EFCAB12: variants seen among roughly 807,000 people sequenced by gnomAD.
EFCAB12 encodes EF-hand calcium-binding domain-containing protein 12.
Under a neutral mutation model 53.6 loss-of-function variants are expected in EFCAB12, and 43 were observed. That is an observed-to-expected ratio of 0.80 (90% CI 0.63 to 1.03). The LOEUF (loss-of-function observed/expected upper bound fraction) is 1.03. Ranked by LOEUF, EFCAB12 falls within the 50% of genes least tolerant of loss-of-function variation. The pLI is 0.00. For synonymous variants in EFCAB12, 269 were observed against 289.2 expected (o/e 0.93, Z 0.71); for missense variants, 646 against 730.6 (o/e 0.88, Z 1.34).
chr3:129,407,719 G>A lies in EFCAB12; in HGVS notation c.1249+926C>T, dbSNP rs185677364. Among the ~76,000 whole-genome samples the A allele has an allele frequency of 3.3e-4, 51 of 152,306 alleles. No individual in the cohort carries two copies. The East Asian group carries it at 9.1e-3, about 27-fold the overall frequency. ...ACCTGAGGTCAGGAGTTCAAGACCG[G>A]CCTGGCCAACATGGTGAAACCCCAT... On this transcript the variant is annotated intron_variant, in intron 6 of 8. Coordinates refer to ENST00000505956, the MANE Select transcript of EFCAB12 (RefSeq NM_207307.3).
At chr3:129,418,564 A>G in intron 2 of EFCAB12, 116 bp from the exon 3 acceptor site, 1 of 945,498 alleles carries the variant, frequency 1.1e-6, no homozygotes, top group Non-Finnish European at 1.5e-6. Context: ...ATAGCAGGAT[A>G]GAGTACAAAG....
At chr3:129,422,629 A>G (rs974444400) in intron 1 of EFCAB12, among the ~76,000 whole-genome samples, 3 of 152,072 alleles carry the variant, frequency 2.0e-5, no homozygotes, top group African/African-American at 7.2e-5. Flanking sequence ...TTTGCATCAC[A>G]ACCTGCACTT....
At chr3:129,415,425 A>G in intron 3 of EFCAB12, 24 bp from the exon 4 acceptor site, 1 of 1,612,660 alleles carries the variant, frequency 6.2e-7, no homozygotes, top group Non-Finnish European at 8.5e-7. Flanking sequence ...AGACCTTCAG[A>G]CTAGCAGGCT....
In EFCAB12 at chr3:129,421,747, G is replaced by A. The variant is rs573087364; in HGVS notation, c.106C>T (p.Pro36Ser). ...TGCTTGAAGCAGTGGGCAATGACCG[G>A]TTCAGGATCAAAGACGGGAGCATTT... Reference protein sequence around the residue: ...NENAPVFDPEPVIAHCFKQFQ... With the variant: ...NENAPVFDPESVIAHCFKQFQ... Residue 36 changes from proline to serine, a missense_variant, in exon 2 of 9, where the codon CCG becomes TCG. By Grantham distance (74) the Pro-to-Ser change is moderately conservative (BLOSUM62 -1). Coordinates refer to ENST00000505956, the MANE Select transcript of EFCAB12 (RefSeq NM_207307.3). The A allele has an allele frequency of 1.2e-6, 2 of 1,613,818 alleles. No individual in the cohort carries two copies. Among genetic ancestry groups the A allele is most frequent in the Admixed American group, 1.7e-5 (1 of 60,002 alleles).
At chr3:129,425,591 C>T (rs952847978) in intron 1 of EFCAB12, among the ~76,000 whole-genome samples, 1 of 152,182 alleles carries the variant, frequency 6.6e-6, no homozygotes, top group Non-Finnish European at 1.5e-5. Context: ...AGCCCCTGAC[C>T]CCACTTTCCA....
Position 129,404,344 on chromosome 3 carries a change from G to A in EFCAB12, c.1309C>T (p.Gln437Ter), listed in dbSNP as rs747305628. 6 of 1,613,792 alleles carry A rather than the reference G, an allele frequency of 3.7e-6. No individual in the cohort carries two copies. The highest frequency in any genetic ancestry group is 5.1e-6 in the Non-Finnish European group (6 of 1,179,880). ...CAGTCAGAGTAGTAGCCTCCCGGCT[G>A]CCGGATGGGGCACACTTTGTCCATC... is the stretch of plus-strand genomic sequence containing the variant. ...FQMDKVCPIR[Q>*]PGGYYSDWKV... The change falls in exon 7 of 9, where the codon CAG (glutamine) becomes TAG (stop). Residue 437 changes from glutamine to a stop codon, truncating the protein, a stop_gained. Coordinates refer to ENST00000505956, the MANE Select transcript of EFCAB12 (RefSeq NM_207307.3). LOFTEE classifies it high-confidence loss of function.
chr3:129,421,880 G>A, intron 1 of EFCAB12, 77 bp from the exon 2 acceptor site: 1 of 1,426,636 alleles, frequency 7.0e-7, no homozygotes, highest in South Asian at 1.4e-5. Context: ...AAACACTTTT[G>A]CTCCAGGCTG....
At chr3:129,412,046 A>C (rs2107738162) in intron 4 of EFCAB12, 1 of 152,382 alleles carries the variant, frequency 6.6e-6, no homozygotes, top group Admixed American at 6.5e-5. Flanking sequence ...CCCCATCTCT[A>C]CTAAAAATAC....
intron 7 of EFCAB12, chr3:129,402,992 C>A (rs753586521): frequency 1.5e-4 from 26 of 172,972 alleles, no homozygotes; most frequent in Non-Finnish European, 2.3e-4. Context: ...AAATCTAACC[C>A]CCTTCCCCTC....
Position 129,411,334 on chromosome 3 carries a change from T to C in EFCAB12, c.859A>G (p.Arg287Gly), listed in dbSNP as rs752255938. ...TTGAGCGGACCCTTCAGGGAATCTC[T>C]GTGCTTGGCCAAGATATAATCTGGA... is the stretch of plus-strand genomic sequence containing the variant. ...AREHYILAKH[R>G]DSLKGPLKKQ... Residue 287 changes from arginine to glycine, a missense_variant, in exon 5 of 9, where the codon AGA becomes GGA. Coordinates refer to ENST00000505956, the MANE Select transcript of EFCAB12 (RefSeq NM_207307.3). 1.9e-6 allele frequency: 3 copies of C among 1,589,160 alleles called. No individual in the cohort carries two copies. The East Asian group carries it at 6.8e-5, about 36-fold the overall frequency.
chr3:129,405,417 A>G (rs996782744), intron 6 of EFCAB12, among the ~76,000 whole-genome samples: 3 of 152,230 alleles, frequency 2.0e-5, no homozygotes, highest in Non-Finnish European at 4.4e-5. Flanking sequence ...TATTTTCAAA[A>G]GGTACACATG....
rs762601435 is a variant in EFCAB12, at chr3:129,415,436, C to T, written c.682-35G>A. ...GAGAAGACCTTCAGACTAGCAGGCT[C>T]CCATCCAAACATCCTGCTCTGATGG... On this transcript the variant is annotated intron_variant, in intron 3 of 8. Transcript: ENST00000505956. 3.1e-6 allele frequency: 5 copies of T among 1,610,838 alleles called. No homozygotes were observed. The African/African-American group carries it at 6.7e-5, about 22-fold the overall frequency.
chr3:129,421,329 A>G, intron 2 of EFCAB12, 38 bp downstream of exon 2: 1 of 1,557,778 alleles, frequency 6.4e-7, no homozygotes, highest in Non-Finnish European at 8.7e-7. Flanking sequence ...GCATCCCTAA[A>G]CCCTTGGTGT....
At chr3:129,412,506 C>T (rs762169432) in intron 4 of EFCAB12, 1 of 152,344 alleles carries the variant, frequency 6.6e-6, no homozygotes, top group Non-Finnish European at 1.5e-5. Context: ...CAGATCGCCT[C>T]ATTCCCTTGG....
chr3:129,408,407 A>C (rs751115441), intron 6 of EFCAB12, among the ~76,000 whole-genome samples: 20 of 152,058 alleles, frequency 1.3e-4, no homozygotes, highest in Admixed American at 1.3e-3. Flanking sequence ...CAGACCCCCA[A>C]ATCTCAGTTG....
At chr3:129,418,505 G>C in intron 2 of EFCAB12, 57 bp from the exon 3 acceptor site, 1 of 1,475,522 alleles carries the variant, frequency 6.8e-7, no homozygotes, top group South Asian at 1.3e-5. Context: ...CAGGCCAGGC[G>C]GATGCAGTCC....
chr3:129,421,347 T>G lies in EFCAB12; in HGVS notation c.486+20A>C. The stretch of plus-strand genomic sequence containing the variant: ...TCCCTAAACCCTTGGTGTCTTCATC[T>G]GGCAAATGGGGCTGCTCACCCTGGT... On this transcript the variant is annotated intron_variant, in intron 2 of 8. Coordinates refer to ENST00000505956, the MANE Select transcript of EFCAB12 (RefSeq NM_207307.3). 6.3e-7 allele frequency: 1 copy of G among 1,586,166 alleles called. No individual in the cohort carries two copies. The highest frequency in any genetic ancestry group is 1.1e-5 in the South Asian group (1 of 88,174).
At chr3:129,420,631 T>G (rs2072176668) in intron 2 of EFCAB12, among the ~76,000 whole-genome samples, 1 of 152,206 alleles carries the variant, frequency 6.6e-6, no homozygotes, top group African/African-American at 2.4e-5. Flanking sequence ...AACAAATGAA[T>G]GAACAATGGG....
At chr3:129,408,571 T>C in intron 6 of EFCAB12, 74 bp downstream of exon 6, 1 of 1,470,306 alleles carries the variant, frequency 6.8e-7, no homozygotes, top group Non-Finnish European at 9.3e-7. Context: ...ATGGGTGCCC[T>C]GGGTGGCATC....
Sources: gnomAD v4.1 joint callset for allele counts (sites outside exome capture counted in the v4.1 genomes callset) on GRCh38, gnomAD v4.1.1 for gene constraint, MANE v1.5 for transcripts, NCBI Gene and HGNC (gene_info 2026-07-23, HGNC 2026-07-21) for gene names.